Variants in GPATCH11 observed in about 807,000 individuals in gnomAD.
GPATCH11 encodes G-patch domain containing 11.
A neutral mutation model predicts 44.8 loss-of-function variants in GPATCH11; 32 were observed. The observed-to-expected ratio is 0.71, with a 90% CI of 0.54 to 0.96. The LOEUF is 0.96. Ranked by LOEUF, GPATCH11 falls within the 40% of genes least tolerant of loss-of-function variation. The probability of loss-of-function intolerance (pLI) is 0.00; values close to 1 mark genes in which losing one functional copy is unlikely to be tolerated. For missense variants in GPATCH11, 324 were observed against 303.1 expected (o/e 1.07, Z -0.51); for synonymous variants, 84 against 94.4 (o/e 0.89, Z 0.64).
In GPATCH11 at chr2:37,097,544, G is replaced by A. The variant is rs1260389105; in HGVS notation, c.*1281G>A. The A allele has an allele frequency of 6.6e-6, 1 of 152,148 alleles. No homozygotes were observed. The highest frequency in any genetic ancestry group is 6.5e-5 in the Admixed American group (1 of 15,274). The allele number at this position is 152,148 out of a possible 1,614,324, so 9.4% of individuals were successfully genotyped here. Reference sequence around the variant, plus strand: ...CCTGAGGATAAGAACTAGTACTGAGGTTAAGGATGGAGCACCACCATTCTT... The same window carrying A: ...CCTGAGGATAAGAACTAGTACTGAGATTAAGGATGGAGCACCACCATTCTT... On this transcript the variant is annotated 3_prime_UTR_variant, in exon 9 of 9. Coordinates refer to ENST00000674370, the MANE Select transcript of GPATCH11 (RefSeq NM_174931.4).
intron 4 of GPATCH11, 151 bp from the exon 5 acceptor site, chr2:37,091,765 A>T (rs1413807376): frequency 5.5e-6 from 3 of 543,704 alleles, no homozygotes; most frequent in Non-Finnish European, 9.1e-6. Flanking sequence ...GCTTAAAAAA[A>T]ACCCTAGTGT....
At position 37,084,573 on chromosome 2, in the gene GPATCH11, A is replaced by C; in HGVS notation, c.-14+3A>C. The stretch of plus-strand genomic sequence containing the variant: ...CGGGGCGAGCAGAGAGCTGTCAGGT[A>C]AGAGAGCTGTCAGGTAAGGGTCTGG... On this transcript the variant is annotated splice_donor_region_variant and intron_variant, in intron 1 of 8. Coordinates refer to ENST00000674370, the MANE Select transcript of GPATCH11 (RefSeq NM_174931.4). The C allele has an allele frequency of 8.1e-7, 1 of 1,232,284 alleles. No homozygotes were observed. The highest frequency in any genetic ancestry group is 1.0e-6 in the Non-Finnish European group (1 of 988,032). The allele number at this position is 1,232,284 out of a possible 1,614,324, so 76.3% of individuals were successfully genotyped here. A position where few individuals can be genotyped will look rare whatever the true frequency, so the allele number is the denominator to read the frequency against.
intron 1 of GPATCH11, among the ~76,000 whole-genome samples, chr2:37,087,556 T>C (rs1156397085): frequency 6.6e-6 from 1 of 152,212 alleles, no homozygotes; most frequent in Non-Finnish European, 1.5e-5. Context: ...AATAATTACA[T>C]GATTTTAACT....
In GPATCH11 at chr2:37,097,817, A is replaced by G. The variant is rs1673662652; in HGVS notation, c.*1554A>G. 6.6e-6 allele frequency: 1 copy of G among 152,180 alleles called. No individual in the cohort carries two copies. 9.4% of individuals were successfully genotyped at this position (152,180 alleles called of 1,614,324 possible). A position where few individuals can be genotyped will look rare whatever the true frequency, so the allele number is the denominator to read the frequency against. On this transcript the variant is annotated 3_prime_UTR_variant, in exon 9 of 9. Coordinates refer to ENST00000674370, the MANE Select transcript of GPATCH11 (RefSeq NM_174931.4). The stretch of plus-strand genomic sequence containing the variant: ...TAATAAAAGGGTCCCATCCCAAGAG[A>G]TTCTGATGCCATTAGTCACTGTGAC...
chr2:37,086,503 T>TA (rs1380667340), intron 1 of GPATCH11, among the ~76,000 whole-genome samples: 4 of 152,206 alleles, frequency 2.6e-5, no homozygotes, highest in Middle Eastern at 3.4e-3. Context: ...ATTAAAAATA[T>TA]AAAAAACCAG....
intron 4 of GPATCH11, among the ~76,000 whole-genome samples, chr2:37,091,416 C>T (rs111653117): frequency 0.026 from 3,965 of 151,954 alleles, 66 homozygotes; most frequent in Middle Eastern, 0.034. Context: ...AAAAATTAAC[C>T]GGGTGTAGTG....
intron 1 of GPATCH11, among the ~76,000 whole-genome samples, chr2:37,087,583 G>C (rs1377660972): frequency 6.6e-6 from 1 of 152,194 alleles, no homozygotes; most frequent in Non-Finnish European, 1.5e-5. Context: ...GATAGAAACT[G>C]TCCCTCAAAA....
Position 37,097,615 on chromosome 2 carries a change from A to C in GPATCH11, c.*1352A>C, listed in dbSNP as rs989133955. 1 of 152,220 alleles carries C rather than the reference A, an allele frequency of 6.6e-6. No homozygotes were observed. Among genetic ancestry groups the C allele is most frequent in the African/African-American group, 2.4e-5 (1 of 41,464 alleles). 9.4% of individuals were successfully genotyped at this position (152,220 alleles called of 1,614,324 possible). A position where few individuals can be genotyped will look rare whatever the true frequency, so the allele number is the denominator to read the frequency against. On this transcript the variant is annotated 3_prime_UTR_variant, in exon 9 of 9. Coordinates refer to ENST00000674370, the MANE Select transcript of GPATCH11 (RefSeq NM_174931.4). ...TGTGTGATTTTATAGCTCACCTGTT[A>C]GTTAGATTGAGCAAGAGAACAACCC...
At chr2:37,088,678 G>A (rs533494145) in intron 2 of GPATCH11, among the ~76,000 whole-genome samples, 31 of 152,100 alleles carry the variant, frequency 2.0e-4, no homozygotes, top group South Asian at 1.5e-3. Context: ...CATCATGCCC[G>A]GCTAACTCTT....
rs568857434 is a variant in GPATCH11 at position 37,084,554 on chromosome 2, G to T, written c.-30G>T. On this transcript the variant is annotated 5_prime_UTR_variant, in exon 1 of 9. An upstream open reading frame in the 5' UTR gains an earlier in-frame stop. Transcript: ENST00000674370. ...GCGCTCTACGGCGCTGAACCGGGGC[G>T]AGCAGAGAGCTGTCAGGTAAGAGAG... 5.7e-6 allele frequency: 7 copies of T among 1,232,354 alleles called. No homozygotes were observed. The highest frequency in any genetic ancestry group is 7.1e-6 in the Non-Finnish European group (7 of 988,174). The allele number at this position is 1,232,354 out of a possible 1,614,324, so 76.3% of individuals were successfully genotyped here.
chr2:37,087,520 A>G (rs1357320926), intron 1 of GPATCH11, among the ~76,000 whole-genome samples: 3 of 152,262 alleles, frequency 2.0e-5, no homozygotes, highest in Non-Finnish European at 2.9e-5. Context: ...ACTTTTGTAG[A>G]AAATTACTTT....
chr2:37,088,186 G>A (rs143820608), intron 1 of GPATCH11, among the ~76,000 whole-genome samples, 183 bp from the exon 2 acceptor site: 1 of 152,270 alleles, frequency 6.6e-6, no homozygotes, highest in Admixed American at 6.5e-5. Flanking sequence ...GTAGAAGGCT[G>A]GGGAAAGGGG....
At chr2:37,090,767 C>A in intron 4 of GPATCH11, 45 bp downstream of exon 4, 1 of 931,720 alleles carries the variant, frequency 1.1e-6, no homozygotes, top group Non-Finnish European at 1.7e-6. Flanking sequence ...TAATAACTTA[C>A]GCTTAGGTCT....
chr2:37,089,574 T>TAAAA (rs371385606), intron 2 of GPATCH11, 66 bp from the exon 3 acceptor site: 10 of 956,130 alleles, frequency 1.0e-5, no homozygotes, highest in Admixed American at 3.6e-5. Context: ...TCTCAAAAAA[T>TAAAA]AAAAAAAAAA....
intron 1 of GPATCH11, among the ~76,000 whole-genome samples, chr2:37,087,159 G>A (rs1265089592): frequency 1.3e-5 from 2 of 152,122 alleles, no homozygotes; most frequent in Non-Finnish European, 2.9e-5. Context: ...GAAAAAGATG[G>A]TTATTTCTCT....
At chr2:37,088,346 A>C in intron 1 of GPATCH11, 23 bp from the exon 2 acceptor site, 1 of 1,227,032 alleles carries the variant, frequency 8.1e-7, no homozygotes, top group African/African-American at 1.5e-5. Context: ...TAAAAAAAAA[A>C]GTAATTATTA....
In GPATCH11 at chr2:37,087,348, A is replaced by C. The variant is rs1673098846; in HGVS notation, c.-13-1021A>C. On this transcript the variant is annotated intron_variant, in intron 1 of 8. Transcript: ENST00000674370. ...GGAAAAAACAGTACATATGCACCACAACAAGTGAATACACTTTTGTCTTAA... is the reference window on the plus strand; with the variant it reads ...GGAAAAAACAGTACATATGCACCACCACAAGTGAATACACTTTTGTCTTAA... Among the ~76,000 whole-genome samples the C allele has an allele frequency of 2.6e-5, 4 of 152,330 alleles. No individual in the cohort carries two copies. The South Asian group carries it at 8.3e-4, about 32-fold the overall frequency.
At chr2:37,084,786 T>C (rs756457160) in intron 1 of GPATCH11, among the ~76,000 whole-genome samples, 18 of 152,192 alleles carry the variant, frequency 1.2e-4, no homozygotes, top group Non-Finnish European at 2.6e-4. Context: ...GTCACATTTA[T>C]ACTGTAGGTC....
chr2:37,087,027 C>T (rs895293604), intron 1 of GPATCH11, among the ~76,000 whole-genome samples: 5 of 152,286 alleles, frequency 3.3e-5, no homozygotes, highest in East Asian at 3.9e-4. Flanking sequence ...ATTCTTCAGA[C>T]AAGATCCCTT....
Sources: gnomAD v4.1 joint callset for allele counts (sites outside exome capture counted in the v4.1 genomes callset) on GRCh38, gnomAD v4.1.1 for gene constraint, MANE v1.5 for transcripts, NCBI Gene and HGNC (gene_info 2026-07-23, HGNC 2026-07-21) for gene names.